Variants in CELF2 observed in about 807,000 individuals in gnomAD.
CELF2 encodes CUGBP Elav-like family member 2, also known as CUG triplet repeat RNA-binding protein 2.
CELF2 carries 8 observed loss-of-function variants against 62.6 expected under a neutral mutation model. That is an observed-to-expected ratio of 0.13 (90% CI 0.07 to 0.23). The LOEUF (loss-of-function observed/expected upper bound fraction) is 0.23. Among genes scored for constraint, CELF2 ranks in the 10% least tolerant of loss-of-function variants. CELF2 has a pLI of 1.00. For missense variants in CELF2, 333 were observed against 671.0 expected (o/e 0.50, Z 5.56); for synonymous variants, 258 against 250.0 (o/e 1.03, Z -0.30).
the CELF2 span, among the ~76,000 whole-genome samples, chr10:10,674,252 A>G: frequency 1.3e-5 from 2 of 152,100 alleles, no homozygotes; most frequent in African/African-American, 2.4e-5. Context: ...TGGAGAATTG[A>G]TCCCATTTTT....
chr10:10,680,322 C>T, the CELF2 span, among the ~76,000 whole-genome samples: 45 of 152,240 alleles, frequency 3.0e-4, no homozygotes, highest in African/African-American at 9.9e-4. Context: ...AGAAAGATCA[C>T]GAAACTCACT....
At position 11,117,934 on chromosome 10, in the gene CELF2, C is replaced by T. The variant is rs925554210; in HGVS notation, c.75-47552C>T. Among the ~76,000 whole-genome samples the T allele has an allele frequency of 6.6e-6, 1 of 152,120 alleles. No homozygotes were observed. On this transcript the variant is annotated intron_variant, in intron 1 of 12. Coordinates refer to ENST00000633077, the MANE Select transcript of CELF2 (RefSeq NM_001326342.2). The surrounding 1 kb of genome is among the most constrained non-coding windows in gnomAD (Gnocchi z 4.1). ...TTTATAAGGCAGAATGCTTTGAATG[C>T]ATTCTGCCTCAAAAGGCATTTTGCT...
intron 8 of CELF2, among the ~76,000 whole-genome samples, chr10:11,281,289 T>C (rs2088616546): frequency 6.6e-6 from 1 of 152,148 alleles, no homozygotes; most frequent in Admixed American, 6.5e-5. Context: ...CCCTGAACCC[T>C]GTCAGGGACC....
chr10:11,016,599 A>C (rs970765782), upstream of CELF2, among the ~76,000 whole-genome samples: 9 of 152,220 alleles, frequency 5.9e-5, no homozygotes, highest in Non-Finnish European at 8.8e-5. This position sits in a 1 kb window ranked among gnomAD's most constrained non-coding sequence, Gnocchi z 5.2. Flanking sequence ...CTGGTGAGAA[A>C]TAATTAAAAT....
chr10:10,892,843 TG>T (rs1332158618), intron 1 of CELF2, among the ~76,000 whole-genome samples: 1 of 152,226 alleles, frequency 6.6e-6, no homozygotes, highest in African/African-American at 2.4e-5. Context: ...AGATGATTTT[TG>T]TTGTTATTGT....
intron 9 of CELF2, among the ~76,000 whole-genome samples, chr10:11,289,010 G>A (rs1490537145): frequency 3.3e-5 from 5 of 152,222 alleles, no homozygotes; most frequent in East Asian, 3.8e-4. Flanking sequence ...CCACGGTCCA[G>A]TAAGGAACAT....
chr10:11,213,932 T>C (rs1284014721), intron 2 of CELF2, among the ~76,000 whole-genome samples: 1 of 152,246 alleles, frequency 6.6e-6, no homozygotes, highest in Non-Finnish European at 1.5e-5. Context: ...TGAAACACTT[T>C]GGCTGCATAT....
chr10:10,933,672 C>T (rs1176708787), intron 2 of CELF2, among the ~76,000 whole-genome samples: 1 of 152,068 alleles, frequency 6.6e-6, no homozygotes, highest in Non-Finnish European at 1.5e-5. Flanking sequence ...CTTTAGATTC[C>T]ACATATGAGT....
At position 10,931,264 on chromosome 10, in the gene CELF2, A is replaced by AT. The variant is rs778897991; in HGVS notation, c.89+11266dup. ...CAACATTAGACTCACAAAACACTAT[A>AT]TAAAACCAAGCTGAGGCAGTGACAT... is the stretch of plus-strand genomic sequence containing the variant. On this transcript the variant is annotated intron_variant, in intron 2 of 13. Transcript: ENST00000636488. This position sits in a 1 kb window ranked among gnomAD's most constrained non-coding sequence, Gnocchi z 6.1. 6.6e-6 allele frequency among the ~76,000 whole-genome samples: 1 copy of AT among 152,218 alleles called. No homozygotes were observed. Among genetic ancestry groups the AT allele is most frequent in the Non-Finnish European group, 1.5e-5 (1 of 68,046 alleles).
chr10:11,288,620 C>T, intron 9 of CELF2, 68 bp downstream of exon 9: 1 of 1,573,150 alleles, frequency 6.4e-7, no homozygotes, highest in Non-Finnish European at 8.6e-7. Context: ...TTCCGTGCCT[C>T]CAGGTGCGAG....
the CELF2 span, among the ~76,000 whole-genome samples, chr10:10,733,974 T>A: frequency 6.6e-6 from 1 of 152,152 alleles, no homozygotes; most frequent in Non-Finnish European, 1.5e-5. Context: ...CTCTTTAAAA[T>A]GAGAAATAAC....
intron 1 of CELF2, among the ~76,000 whole-genome samples, chr10:11,007,391 A>G (rs1046789050): frequency 1.3e-5 from 2 of 152,258 alleles, no homozygotes; most frequent in Non-Finnish European, 2.9e-5. Flanking sequence ...AAATGTTACA[A>G]AAAATTTTAA....
At chr10:11,189,537 T>C (rs1588655632) in intron 2 of CELF2, among the ~76,000 whole-genome samples, 1 of 152,204 alleles carries the variant, frequency 6.6e-6, no homozygotes, top group South Asian at 2.1e-4. Flanking sequence ...TTCTTACTAC[T>C]CTCTCTCTGC....
chr10:10,726,921 G>T, the CELF2 span, among the ~76,000 whole-genome samples: 2 of 152,134 alleles, frequency 1.3e-5, no homozygotes, highest in African/African-American at 2.4e-5. Context: ...AGGAGGCCTC[G>T]GGAAATTTTG....
At chr10:11,209,083 T>G (rs1565312755) in intron 2 of CELF2, among the ~76,000 whole-genome samples, 1 of 152,206 alleles carries the variant, frequency 6.6e-6, no homozygotes, top group Non-Finnish European at 1.5e-5. Flanking sequence ...ACTTTTGCTG[T>G]GATGGGTACT....
chr10:11,314,327 T>A lies in CELF2; in HGVS notation c.1096+69T>A. On this transcript the variant is annotated intron_variant, in intron 10 of 12. Transcript: ENST00000633077. The surrounding 1 kb of genome is among the most constrained non-coding windows in gnomAD (Gnocchi z 5.3). Reference sequence around the variant, plus strand: ...CCCCCAAATTCTCCACAGAAAGTGGTCAGCCAGAAATGACCCGAAAAAGGA... The same window carrying A: ...CCCCCAAATTCTCCACAGAAAGTGGACAGCCAGAAATGACCCGAAAAAGGA... 3 of 1,609,472 alleles carry A rather than the reference T, an allele frequency of 1.9e-6. No homozygotes were observed. The highest frequency in any genetic ancestry group is 2.6e-6 in the Non-Finnish European group (3 of 1,175,942).
chr10:10,657,896 T>C, the CELF2 span, among the ~76,000 whole-genome samples: 2 of 152,210 alleles, frequency 1.3e-5, no homozygotes, highest in Non-Finnish European at 2.9e-5. Flanking sequence ...TCCAGAAGGA[T>C]CTGTTGAATT....
chr10:10,524,690 A>AT, the CELF2 span, among the ~76,000 whole-genome samples: 3 of 152,100 alleles, frequency 2.0e-5, no homozygotes, highest in Non-Finnish European at 4.4e-5. Context: ...ACTATCTTCT[A>AT]TTTTTTATCA....
At chr10:10,626,940 G>A in the CELF2 span, among the ~76,000 whole-genome samples, 1 of 152,142 alleles carries the variant, frequency 6.6e-6, no homozygotes, top group Non-Finnish European at 1.5e-5. Flanking sequence ...GCGCAAGGCG[G>A]GCCATGAGGC....
Sources: gnomAD v4.1 joint callset for allele counts (sites outside exome capture counted in the v4.1 genomes callset) on GRCh38, gnomAD v4.1.1 for gene constraint, Gnocchi (gnomAD v3.1) non-coding constraint, MANE v1.5 for transcripts, NCBI Gene and HGNC (gene_info 2026-07-23, HGNC 2026-07-21) for gene names.